Variants in TBC1D22A observed in about 807,000 individuals in gnomAD.
The protein encoded by TBC1D22A is putative GTPase activator.
In TBC1D22A, 38 loss-of-function variants were observed where a neutral mutation model predicts 60.2. That is an observed-to-expected ratio of 0.63 (90% CI 0.49 to 0.83). The LOEUF (loss-of-function observed/expected upper bound fraction) is 0.83, where lower values mean the gene tolerates loss of function less well. Ranked by LOEUF, TBC1D22A falls within the 40% of genes least tolerant of loss-of-function variation. The pLI is 0.00. For synonymous variants in TBC1D22A, 302 were observed against 281.7 expected, an observed-to-expected ratio of 1.07 and a Z score of -0.72; for missense variants, 628 against 701.0, an observed-to-expected ratio of 0.90 and a Z score of 1.18.
At chr22:47,032,274 G>A (rs76542550) in intron 10 of TBC1D22A, among the ~76,000 whole-genome samples, 2,073 of 152,302 alleles carry the variant, frequency 0.014, 48 homozygotes, top group African/African-American at 0.046. Flanking sequence ...TGTGTGCCCC[G>A]CACACATCAC....
intron 8 of TBC1D22A, among the ~76,000 whole-genome samples, chr22:46,969,816 G>A (rs959945438): frequency 1.3e-5 from 2 of 152,200 alleles, no homozygotes; most frequent in Non-Finnish European, 2.9e-5. Context: ...TGATGTAGGG[G>A]AAGAAAGGGC....
intron 11 of TBC1D22A, among the ~76,000 whole-genome samples, chr22:47,101,970 C>T (rs2065434375): frequency 6.6e-6 from 1 of 152,176 alleles, no homozygotes; most frequent in Non-Finnish European, 1.5e-5. Context: ...ATGGTATTTC[C>T]TCATCTAGTC....
chr22:46,884,258 G>A (rs2067998669), intron 5 of TBC1D22A, among the ~76,000 whole-genome samples: 1 of 152,188 alleles, frequency 6.6e-6, no homozygotes, highest in Non-Finnish European at 1.5e-5. Flanking sequence ...GGTGGGTAGC[G>A]GTCAGGGTGG....
intron 11 of TBC1D22A, among the ~76,000 whole-genome samples, chr22:47,061,573 A>G (rs1717065594): frequency 6.6e-6 from 1 of 152,194 alleles, no homozygotes; most frequent in African/African-American, 2.4e-5. Flanking sequence ...AGTCCTAAAC[A>G]TATTTGCAGC....
intron 12 of TBC1D22A, among the ~76,000 whole-genome samples, chr22:47,159,259 C>T (rs2060799862): frequency 6.6e-6 from 1 of 150,438 alleles, no homozygotes; most frequent in Non-Finnish European, 1.5e-5. Flanking sequence ...TGTATGCACG[C>T]AGACAACACA....
chr22:47,025,798 G>A (rs1410082735), intron 10 of TBC1D22A, among the ~76,000 whole-genome samples: 2 of 152,094 alleles, frequency 1.3e-5, no homozygotes, highest in African/African-American at 2.4e-5. Flanking sequence ...TGCTTAGAGG[G>A]AATCATATAG....
At chr22:46,850,773 T>C (rs1469241065) in intron 4 of TBC1D22A, among the ~76,000 whole-genome samples, 1 of 151,910 alleles carries the variant, frequency 6.6e-6, no homozygotes, top group African/African-American at 2.4e-5. Context: ...TTTTCCATAA[T>C]AGCCAAAAAA....
intron 4 of TBC1D22A, among the ~76,000 whole-genome samples, chr22:46,822,292 C>T (rs1426527043): frequency 6.6e-6 from 1 of 152,052 alleles, no homozygotes; most frequent in African/African-American, 2.4e-5. Context: ...TGGAGAGACA[C>T]TGTGATCATT....
At chr22:46,763,525 C>T (rs924101815) in intron 1 of TBC1D22A, among the ~76,000 whole-genome samples, 2 of 144,284 alleles carry the variant, frequency 1.4e-5, no homozygotes, top group African/African-American at 5.1e-5. Flanking sequence ...TATGCCAGGG[C>T]CCTAGGGAAT....
At chr22:46,860,952 G>C (rs1253318812) in intron 4 of TBC1D22A, among the ~76,000 whole-genome samples, 1 of 151,646 alleles carries the variant, frequency 6.6e-6, no homozygotes, top group African/African-American at 2.4e-5. Flanking sequence ...CTCTTTTGGC[G>C]AAGGCATATT....
chr22:47,119,967 A>G (rs978886578), intron 12 of TBC1D22A, among the ~76,000 whole-genome samples: 4 of 152,140 alleles, frequency 2.6e-5, no homozygotes, highest in Admixed American at 6.5e-5. Flanking sequence ...AGCCTCCTTC[A>G]CGGCACCCAT....
At chr22:46,986,513 G>T (rs1050503951) in intron 9 of TBC1D22A, among the ~76,000 whole-genome samples, 2 of 152,080 alleles carry the variant, frequency 1.3e-5, no homozygotes, top group South Asian at 4.2e-4. Flanking sequence ...TGAGCGTAGT[G>T]TATTTCTTAA....
intron 12 of TBC1D22A, among the ~76,000 whole-genome samples, chr22:47,159,355 A>G (rs376424580): frequency 9.2e-6 from 1 of 108,114 alleles, no homozygotes; most frequent in African/African-American, 4.7e-5. Context: ...TATTCACACA[A>G]AGCACATACA....
chr22:47,157,444 G>A (rs1053719365), intron 12 of TBC1D22A, among the ~76,000 whole-genome samples: 4 of 152,334 alleles, frequency 2.6e-5, no homozygotes, highest in Admixed American at 6.5e-5. Flanking sequence ...GCACGTGTCC[G>A]TCTAGATGAA....
In TBC1D22A at chr22:46,825,137, G is replaced by GT. The variant is rs566564893; in HGVS notation, c.637+27518dup. On this transcript the variant is annotated intron_variant, in intron 4 of 12. Coordinates refer to ENST00000337137, the MANE Select transcript of TBC1D22A (RefSeq NM_014346.5). ...CAAGGCATTTGCGTGTGCAGCAGGC[G>GT]TCAGTGGAGTTTTGGAGTGTCAGGG... 2.7e-3 allele frequency among the ~76,000 whole-genome samples: 414 copies of GT among 152,262 alleles called. 2 individuals carry two copies. The highest frequency in any genetic ancestry group is 4.9e-3 in the Non-Finnish European group (333 of 68,022).
At chr22:47,048,983 T>C (rs2063116530) in intron 11 of TBC1D22A, among the ~76,000 whole-genome samples, 1 of 152,236 alleles carries the variant, frequency 6.6e-6, no homozygotes. Flanking sequence ...AAGGAAACGT[T>C]AACCTGAGAA....
At chr22:46,980,420 A>T (rs1183127002) in intron 9 of TBC1D22A, among the ~76,000 whole-genome samples, 2 of 152,186 alleles carry the variant, frequency 1.3e-5, no homozygotes, top group African/African-American at 4.8e-5. Context: ...TGACCTTGTG[A>T]TCCCCCTGCC....
chr22:47,099,564 G>GCCT (rs912378327), intron 11 of TBC1D22A, among the ~76,000 whole-genome samples: 4 of 151,938 alleles, frequency 2.6e-5, no homozygotes, highest in African/African-American at 7.3e-5. Flanking sequence ...TCCTGCCTCA[G>GCCT]CCTCCCGAGT....
chr22:46,975,352 GA>G (rs1034491476), intron 9 of TBC1D22A, among the ~76,000 whole-genome samples: 3 of 152,158 alleles, frequency 2.0e-5, no homozygotes, highest in Non-Finnish European at 2.9e-5. Context: ...GATTACAGGG[GA>G]CAGTGAATTT....
Sources: allele counts gnomAD v4.1 joint callset (sites outside exome capture counted in the v4.1 genomes callset), GRCh38; gene constraint gnomAD v4.1.1; transcripts MANE v1.5; gene names NCBI Gene and HGNC (gene_info 2026-07-23, HGNC 2026-07-21).